The following NAV3 variants were observed in gnomAD, a reference collection of about 807,000 sequenced individuals.
NAV3 encodes the protein pore membrane and/or filament interacting like protein 1.
Under a neutral mutation model 244.7 loss-of-function variants are expected in NAV3, and 87 were observed. The ratio of observed to expected loss-of-function variants is 0.36; its 90% CI spans 0.30 to 0.42. The LOEUF is 0.42. Among genes scored for constraint, NAV3 ranks in the 20% least tolerant of loss-of-function variants. The pLI, the probability that NAV3 is intolerant of heterozygous loss-of-function variation, is 1.00. For synonymous variants in NAV3, 1,126 were observed against 1,042.2 expected (o/e 1.08, Z -1.55); for missense variants, 2,663 against 2,893.3 (o/e 0.92, Z 1.83).
intron 2 of NAV3, among the ~76,000 whole-genome samples, chr12:77,756,953 TAAG>T (rs1869212794): frequency 6.6e-6 from 1 of 152,200 alleles, no homozygotes; most frequent in Non-Finnish European, 1.5e-5. Flanking sequence ...ACTACTCCCA[TAAG>T]AAGAAAACCT....
At chr12:78,005,881 AT>A (rs1324470042) in intron 7 of NAV3, among the ~76,000 whole-genome samples, 1 of 152,212 alleles carries the variant, frequency 6.6e-6, no homozygotes, top group Non-Finnish European at 1.5e-5. Flanking sequence ...TTCATATTAT[AT>A]TCATTATAGA....
At chr12:77,892,574 C>A (rs946542811) in intron 1 of NAV3, among the ~76,000 whole-genome samples, 3 of 152,102 alleles carry the variant, frequency 2.0e-5, no homozygotes, top group African/African-American at 4.8e-5. Context: ...TGGCACAACA[C>A]CTGGCTAATT....
At chr12:77,997,837 G>A (rs957478302) in intron 6 of NAV3, among the ~76,000 whole-genome samples, 1 of 152,196 alleles carries the variant, frequency 6.6e-6, no homozygotes, top group African/African-American at 2.4e-5. Context: ...TACTCAGTGA[G>A]CATTAGCTAT....
chr12:77,819,727 C>T (rs1294093933), intron 2 of NAV3, among the ~76,000 whole-genome samples: 1 of 152,006 alleles, frequency 6.6e-6, no homozygotes, highest in Non-Finnish European at 1.5e-5. Context: ...GATAATGATA[C>T]AAAATTTTAC....
At chr12:77,768,660 G>A (rs975187451) in intron 2 of NAV3, among the ~76,000 whole-genome samples, 4 of 152,228 alleles carry the variant, frequency 2.6e-5, no homozygotes, top group African/African-American at 9.6e-5. Context: ...TGAACCTGTG[G>A]GGGCAGGGGG....
intron 2 of NAV3, among the ~76,000 whole-genome samples, chr12:77,679,720 G>C (rs1216036220): frequency 6.6e-6 from 1 of 152,160 alleles, no homozygotes; most frequent in Non-Finnish European, 1.5e-5. Context: ...AGCAGCCTGA[G>C]AGGCGAGAAG....
At chr12:77,953,426 CA>C (rs2137691895) in intron 3 of NAV3, among the ~76,000 whole-genome samples, 1 of 152,282 alleles carries the variant, frequency 6.6e-6, no homozygotes, top group East Asian at 1.9e-4. Context: ...CACACCCACA[CA>C]TGCCTAGAAA....
At position 78,157,685 on chromosome 12, in the gene NAV3, A is replaced by G. The variant is rs11108524; in HGVS notation, c.4786-1518A>G. 0.017 allele frequency among the ~76,000 whole-genome samples: 2,624 copies of G among 152,184 alleles called. 140 individuals carry two copies. The East Asian group carries it at 0.2, about 11-fold the overall frequency. On this transcript the variant is annotated intron_variant, in intron 22 of 39. Coordinates refer to ENST00000397909, the MANE Select transcript of NAV3 (RefSeq NM_001024383.2). Reference sequence around the variant, plus strand: ...CTTGTCATTGAAAATTTTTTAAACTATGATACTTTTTTTTAGTGGTATTTA... The same window carrying G: ...CTTGTCATTGAAAATTTTTTAAACTGTGATACTTTTTTTTAGTGGTATTTA...
intron 3 of NAV3, among the ~76,000 whole-genome samples, chr12:77,961,593 A>C (rs1442711708): frequency 9.4e-6 from 1 of 106,070 alleles, no homozygotes; most frequent in African/African-American, 3.2e-5. Flanking sequence ...TGTATCTGTA[A>C]TATATATATT....
intron 8 of NAV3, among the ~76,000 whole-genome samples, chr12:78,013,012 C>A (rs780023864): frequency 6.6e-6 from 1 of 151,830 alleles, no homozygotes; most frequent in Non-Finnish European, 1.5e-5. Context: ...TTCAAACCTG[C>A]CAAAAATGTA....
intron 2 of NAV3, among the ~76,000 whole-genome samples, chr12:77,577,697 C>T (rs1869156854): frequency 6.6e-6 from 1 of 151,970 alleles, no homozygotes; most frequent in Admixed American, 6.6e-5. Flanking sequence ...TATTAGTTGC[C>T]ATTAATTATG....
chr12:77,583,438 G>T (rs551234991), intron 2 of NAV3, among the ~76,000 whole-genome samples: 17 of 152,270 alleles, frequency 1.1e-4, no homozygotes, highest in African/African-American at 4.1e-4. Context: ...ATTGGAAAAT[G>T]ATCTGGGGTT....
chr12:77,576,588 C>A (rs528724737), intron 2 of NAV3, among the ~76,000 whole-genome samples: 1 of 152,136 alleles, frequency 6.6e-6, no homozygotes, highest in South Asian at 2.1e-4. Flanking sequence ...TGTGCTGATT[C>A]TTTTCATTTT....
chr12:78,115,701 A>G (rs1317335400), intron 12 of NAV3, among the ~76,000 whole-genome samples: 1 of 152,124 alleles, frequency 6.6e-6, no homozygotes, highest in Non-Finnish European at 1.5e-5. Flanking sequence ...TTGTTCTGAT[A>G]TGTTTTGATA....
At chr12:78,017,777 G>T (rs1876475044) in intron 8 of NAV3, among the ~76,000 whole-genome samples, 2 of 151,908 alleles carry the variant, frequency 1.3e-5, no homozygotes, top group Non-Finnish European at 1.5e-5. Flanking sequence ...TTATTTAACT[G>T]GTACAAATCA....
intron 2 of NAV3, among the ~76,000 whole-genome samples, chr12:77,658,792 A>G (rs866666000): frequency 0.025 from 3,755 of 151,830 alleles, 60 homozygotes; most frequent in Middle Eastern, 0.082. Context: ...CAGAGCCCTC[A>G]GAAATAACGC....
chr12:77,746,135 AT>A (rs1488214534), intron 2 of NAV3, among the ~76,000 whole-genome samples: 42 of 152,212 alleles, frequency 2.8e-4, no homozygotes, highest in African/African-American at 9.9e-4. Flanking sequence ...GGTTTCTACC[AT>A]TGGCTGATGG....
chr12:78,004,669 A>G (rs577027053), intron 7 of NAV3, among the ~76,000 whole-genome samples: 2 of 152,172 alleles, frequency 1.3e-5, no homozygotes, highest in Non-Finnish European at 2.9e-5. Context: ...CTGTTGTGCA[A>G]TCTTTACTGT....
chr12:78,142,799 A>G (rs1356723502), intron 20 of NAV3, among the ~76,000 whole-genome samples: 1 of 150,722 alleles, frequency 6.6e-6, no homozygotes, highest in Non-Finnish European at 1.5e-5. Context: ...AAGTGAGTAA[A>G]GAATGGATTA....
Sources: gnomAD v4.1 joint callset for allele counts (sites outside exome capture counted in the v4.1 genomes callset) on GRCh38, gnomAD v4.1.1 for gene constraint, MANE v1.5 for transcripts, NCBI Gene and HGNC (gene_info 2026-07-23, HGNC 2026-07-21) for gene names.